OR2L13: variants seen among roughly 807,000 people sequenced by gnomAD.
The protein encoded by OR2L13 is olfactory receptor 2L13.
Under a neutral mutation model 15.3 loss-of-function variants are expected in OR2L13, and 14 were observed. That is an observed-to-expected ratio of 0.91 (90% CI 0.60 to 1.43). The LOEUF (loss-of-function observed/expected upper bound fraction) is 1.43, where lower values mean the gene tolerates loss of function less well. OR2L13 is among the 40% of genes most tolerant of loss of function. The pLI is 0.00. For missense variants in OR2L13, 367 were observed against 387.9 expected (o/e 0.95, Z 0.45); for synonymous variants, 152 against 142.9 (o/e 1.06, Z -0.45).
the OR2L13 span, among the ~76,000 whole-genome samples, chr1:247,946,310 T>A: frequency 6.6e-6 from 1 of 152,164 alleles, no homozygotes; most frequent in African/African-American, 2.4e-5. Flanking sequence ...AATTAAGATA[T>A]TTTTATTTCT....
chr1:248,006,212 G>C, the OR2L13 span, among the ~76,000 whole-genome samples: 1 of 151,462 alleles, frequency 6.6e-6, no homozygotes, highest in Non-Finnish European at 1.5e-5. Flanking sequence ...CACTGCTTGG[G>C]GTCCTGTGGT....
chr1:247,942,948 T>G, the OR2L13 span, among the ~76,000 whole-genome samples: 1 of 152,198 alleles, frequency 6.6e-6, no homozygotes, highest in Non-Finnish European at 1.5e-5. Context: ...CTACTCTGGG[T>G]ACTTCGTGTA....
the OR2L13 span, among the ~76,000 whole-genome samples, chr1:247,961,277 A>G: frequency 6.6e-6 from 1 of 152,158 alleles, no homozygotes; most frequent in Non-Finnish European, 1.5e-5. Context: ...CCAGCCTAGA[A>G]CTGTCAGGTC....
At chr1:248,066,291 A>G in the OR2L13 span, among the ~76,000 whole-genome samples, 1 of 152,182 alleles carries the variant, frequency 6.6e-6, no homozygotes, top group East Asian at 1.9e-4. Flanking sequence ...TCTTGTACCA[A>G]TTTGTTTCCT....
At chr1:248,033,000 A>G in the OR2L13 span, among the ~76,000 whole-genome samples, 1 of 152,204 alleles carries the variant, frequency 6.6e-6, no homozygotes, top group Non-Finnish European at 1.5e-5. Context: ...CCTATTGTAA[A>G]TCAAGGAGCA....
At chr1:247,975,657 G>A in the OR2L13 span, 1 of 1,115,686 alleles carries the variant, frequency 9.0e-7, no homozygotes, top group South Asian at 1.3e-5. Context: ...CTGTGAAGAT[G>A]AAGACAAACT....
At chr1:248,059,487 G>A in the OR2L13 span, among the ~76,000 whole-genome samples, 3 of 152,242 alleles carry the variant, frequency 2.0e-5, no homozygotes, top group South Asian at 2.1e-4. Flanking sequence ...ATTTGGTAAG[G>A]CATCTGCTTT....
At chr1:248,027,936 C>G in the OR2L13 span, among the ~76,000 whole-genome samples, 2 of 151,700 alleles carry the variant, frequency 1.3e-5, no homozygotes, top group Middle Eastern at 3.2e-3. Context: ...GTCAGGAGAT[C>G]AAGACCATCC....
chr1:248,049,606 A>G, the OR2L13 span, among the ~76,000 whole-genome samples: 2 of 152,214 alleles, frequency 1.3e-5, no homozygotes, highest in African/African-American at 4.8e-5. Context: ...AAGTACAGTA[A>G]AACTGGGTGA....
At chr1:248,056,336 G>C in the OR2L13 span, among the ~76,000 whole-genome samples, 2 of 152,120 alleles carry the variant, frequency 1.3e-5, no homozygotes, top group African/African-American at 4.8e-5. Flanking sequence ...AAGGGTTTTT[G>C]TGGGTCTCCA....
the OR2L13 span, among the ~76,000 whole-genome samples, chr1:247,985,234 T>C: frequency 6.6e-6 from 1 of 152,146 alleles, no homozygotes; most frequent in African/African-American, 2.4e-5. Context: ...GTATATCTCC[T>C]AATGCCATCC....
the OR2L13 span, chr1:247,975,330 C>A: frequency 1.9e-6 from 1 of 518,440 alleles, no homozygotes; most frequent in Non-Finnish European, 3.7e-6. Flanking sequence ...TGAGCACAAC[C>A]CTCTTTCTCA....
chr1:248,052,968 T>C, the OR2L13 span, among the ~76,000 whole-genome samples: 1 of 152,274 alleles, frequency 6.6e-6, no homozygotes, highest in East Asian at 1.9e-4. Flanking sequence ...TGTTTTTAAG[T>C]TCCAGGGTAT....
At chr1:247,941,992 G>A in the OR2L13 span, among the ~76,000 whole-genome samples, 2 of 152,028 alleles carry the variant, frequency 1.3e-5, no homozygotes, top group Admixed American at 6.6e-5. Flanking sequence ...TACCAGTCTT[G>A]GTTTCCTTTC....
At chr1:248,075,356 G>C in the OR2L13 span, among the ~76,000 whole-genome samples, 6,224 of 152,236 alleles carry the variant, frequency 0.041, 421 homozygotes, top group African/African-American at 0.14. Flanking sequence ...ATAATCCTTT[G>C]GGTATATACC....
At chr1:247,966,540 A>C in the OR2L13 span, among the ~76,000 whole-genome samples, 1 of 152,224 alleles carries the variant, frequency 6.6e-6, no homozygotes. Flanking sequence ...TGAAATGTGA[A>C]CCATAAAAAT....
chr1:247,961,524 T>C, the OR2L13 span, among the ~76,000 whole-genome samples: 121,477 of 152,164 alleles, frequency 0.8, 52,682 homozygotes, highest in South Asian at 0.95. Flanking sequence ...TTGAACTGCC[T>C]AGATTCAAGG....
upstream of OR2L13, among the ~76,000 whole-genome samples, chr1:248,091,578 A>T (rs192883705): frequency 6.6e-6 from 1 of 151,876 alleles, no homozygotes; most frequent in Admixed American, 6.6e-5. Flanking sequence ...CTTCGTTGAA[A>T]ATCAGATGGC....
At chr1:248,064,087 G>A in the OR2L13 span, among the ~76,000 whole-genome samples, 3 of 152,210 alleles carry the variant, frequency 2.0e-5, no homozygotes, top group Non-Finnish European at 2.9e-5. Context: ...AGCAGGAAGT[G>A]AATGAGATCA....
Sources: allele counts gnomAD v4.1 joint callset (sites outside exome capture counted in the v4.1 genomes callset), GRCh38; gene constraint gnomAD v4.1.1; transcripts MANE v1.5; gene names NCBI Gene and HGNC (gene_info 2026-07-23, HGNC 2026-07-21).